The following PCDHA1 variants were observed in gnomAD, a reference collection of about 807,000 sequenced individuals.
PCDHA1 encodes the protein protocadherin alpha-1.
In PCDHA1, 42 loss-of-function variants were observed where a neutral mutation model predicts 61.3. The observed-to-expected ratio is 0.69, with a 90% CI of 0.54 to 0.89. PCDHA1 has a LOEUF of 0.89. Ranked by LOEUF, PCDHA1 falls within the 40% of genes least tolerant of loss-of-function variation. The pLI is 0.00. For synonymous variants in PCDHA1, 610 were observed against 553.8 expected (o/e 1.10, Z -1.43); for missense variants, 1,256 against 1,235.3 (o/e 1.02, Z -0.25).
At chr5:140,801,694 C>G (rs35124371) in intron 1 of PCDHA1, 68 of 1,613,998 alleles carry the variant, frequency 4.2e-5, no homozygotes, top group Non-Finnish European at 5.7e-5. Flanking sequence ...GGAACAAATT[C>G]GTTGTTGACT....
At chr5:140,977,055 A>G (rs1220462981) in intron 1 of PCDHA1, among the ~76,000 whole-genome samples, 1 of 152,234 alleles carries the variant, frequency 6.6e-6, no homozygotes, top group Non-Finnish European at 1.5e-5. Context: ...CTGATGGACT[A>G]GTATAGAAAA....
At chr5:140,841,743 T>A (rs1554138513) in intron 1 of PCDHA1, 1 of 1,613,818 alleles carries the variant, frequency 6.2e-7, no homozygotes, top group Admixed American at 1.7e-5. Context: ...CAAAAGCTGT[T>A]TGTTTCAGAA....
rs2043467325 is a variant in PCDHA1 at position 140,855,436 on chromosome 5, G to C, written c.2394+66752G>C. Among the ~76,000 whole-genome samples the C allele has an allele frequency of 2.7e-5, 4 of 149,868 alleles. No homozygotes were observed. In the South Asian group the frequency reaches 8.4e-4, roughly 32 times the overall value. ...GATCTCTAAATTCTAGTGATGACTA[G>C]ATCTTCGGAGTTATAAACACCTCAC... On this transcript the variant is annotated intron_variant, in intron 1 of 3. Transcript: ENST00000504120.
Position 140,801,968 on chromosome 5 carries a change from TG to T in PCDHA1, c.2394+13286del, listed in dbSNP as rs781928400. The T allele has an allele frequency of 1.9e-6, 3 of 1,614,192 alleles. No homozygotes were observed. In the East Asian group the frequency reaches 6.7e-5, roughly 36 times the overall value. On this transcript the variant is annotated intron_variant, in intron 1 of 3. Transcript: ENST00000504120. ...TCAGATTACTCGAAAATGCACCAAA[TG>T]GTACCCTAGTGGTGACCGTTAACGC...
In PCDHA1 at chr5:140,836,337, A is replaced by C. The variant is rs143048298; in HGVS notation, c.2394+47653A>C. 5 of 1,613,530 alleles carry C rather than the reference A, an allele frequency of 3.1e-6. No individual in the cohort carries two copies. The African/African-American group carries it at 6.7e-5, about 22-fold the overall frequency. ...GCGCCACCGCCTTCTGGTGCTTGTG[A>C]AGGACCACGGGGAGCCCTCGCTGAC... On this transcript the variant is annotated intron_variant, in intron 1 of 3. Transcript: ENST00000504120.
At chr5:140,995,698 G>T (rs963042409) in intron 3 of PCDHA1, among the ~76,000 whole-genome samples, 1 of 152,104 alleles carries the variant, frequency 6.6e-6, no homozygotes, top group African/African-American at 2.4e-5. Context: ...TTAAATAAAG[G>T]GCTGGGCTTG....
chr5:140,812,345 C>G (rs1765088890), intron 1 of PCDHA1: 1 of 151,876 alleles, frequency 6.6e-6, no homozygotes. Flanking sequence ...GTAATGCCAC[C>G]TCTTTTGTTT....
chr5:140,952,873 A>G (rs1554220663), intron 1 of PCDHA1, among the ~76,000 whole-genome samples: 1 of 152,168 alleles, frequency 6.6e-6, no homozygotes, highest in South Asian at 2.1e-4. Context: ...GGAAACTTAC[A>G]ATCATGGTGG....
At chr5:140,802,221 G>C (rs782389437) in intron 1 of PCDHA1, 1 of 1,614,182 alleles carries the variant, frequency 6.2e-7, no homozygotes, top group Non-Finnish European at 8.5e-7. Context: ...CGAAATTGTG[G>C]ACATCAATGA....
At position 140,858,437 on chromosome 5, in the gene PCDHA1, G is replaced by T. The variant is rs1343643925; in HGVS notation, c.2394+69753G>T. The T allele has an allele frequency of 4.5e-6, 7 of 1,541,950 alleles. 1 individual carries two copies. In the Admixed American group the frequency reaches 1.4e-4, roughly 30 times the overall value. Reference sequence around the variant, plus strand: ...TATTGGAGGGGACCACTCTAGGAAGGTGGGTTATTACGTTTTCATTTTCCT... The same window carrying T: ...TATTGGAGGGGACCACTCTAGGAAGTTGGGTTATTACGTTTTCATTTTCCT... On this transcript the variant is annotated intron_variant, in intron 1 of 3. Coordinates refer to ENST00000504120, the MANE Select transcript of PCDHA1 (RefSeq NM_018900.4).
chr5:140,850,794 A>G, intron 1 of PCDHA1: 2 of 1,598,296 alleles, frequency 1.3e-6, no homozygotes, highest in Non-Finnish European at 1.7e-6. Context: ...TAAGCAGAAG[A>G]CCGACCTCAT....
In PCDHA1 at chr5:140,829,234, C is replaced by T. The variant is rs140237774; in HGVS notation, c.2394+40550C>T. On this transcript the variant is annotated intron_variant, in intron 1 of 3. Coordinates refer to ENST00000504120, the MANE Select transcript of PCDHA1 (RefSeq NM_018900.4). ...GCGTGAACGACCTCGATTCAGGTGC[C>T]AACGGGCAGGTGAACTGCTCGCTGA... The T allele has an allele frequency of 3.7e-6, 6 of 1,614,136 alleles. No homozygotes were observed. In the African/African-American group the frequency reaches 6.7e-5, roughly 18 times the overall value.
chr5:140,946,387 T>C (rs1168775484), intron 1 of PCDHA1, among the ~76,000 whole-genome samples: 3 of 151,786 alleles, frequency 2.0e-5, no homozygotes, highest in African/African-American at 7.3e-5. Context: ...TTGGTAGGAA[T>C]GTAAATTAGT....
At chr5:140,809,706 G>A in intron 1 of PCDHA1, 1 of 1,097,712 alleles carries the variant, frequency 9.1e-7, no homozygotes, top group Non-Finnish European at 1.3e-6. Flanking sequence ...TTTAACTAAA[G>A]TCTTTTGGAA....
chr5:140,817,760 A>C (rs1766196831), intron 1 of PCDHA1, among the ~76,000 whole-genome samples: 2 of 152,206 alleles, frequency 1.3e-5, no homozygotes, highest in African/African-American at 4.8e-5. Context: ...TTCTGAAGAA[A>C]TTAACATTTC....
At chr5:140,836,816 T>G in intron 1 of PCDHA1, 1 of 1,201,468 alleles carries the variant, frequency 8.3e-7, no homozygotes, top group Non-Finnish European at 1.2e-6. Context: ...TCTTTCATAA[T>G]TTCTTTTTTA....
In PCDHA1 at chr5:140,850,779, G is replaced by A. The variant is rs1554144905; in HGVS notation, c.2394+62095G>A. 6.3e-7 allele frequency: 1 copy of A among 1,598,204 alleles called. No homozygotes were observed. Among genetic ancestry groups the A allele is most frequent in the Non-Finnish European group, 8.6e-7 (1 of 1,167,724 alleles). ...GAGGAGGCAGAGGGTGTGCTCTGGC[G>A]AGGGTAAGCAGAAGACCGACCTCAT... On this transcript the variant is annotated intron_variant, in intron 1 of 3. Coordinates refer to ENST00000504120, the MANE Select transcript of PCDHA1 (RefSeq NM_018900.4).
rs143944331 is a variant in PCDHA1 at position 140,796,894 on chromosome 5, C to A, written c.2394+8210C>A. 167 of 1,613,946 alleles carry A rather than the reference C, an allele frequency of 1.0e-4. No individual in the cohort carries two copies. The African/African-American group carries it at 1.9e-3, about 18-fold the overall frequency. The stretch of plus-strand genomic sequence containing the variant: ...TGCCCTAGACGAGGCTGACTCCCCT[C>A]GACACCGCCTACTCGTGCTGGTGAA... On this transcript the variant is annotated intron_variant, in intron 1 of 3. Coordinates refer to ENST00000504120, the MANE Select transcript of PCDHA1 (RefSeq NM_018900.4).
Position 140,982,458 on chromosome 5 carries a change from T to C in PCDHA1, c.2454-17T>C, listed in dbSNP as rs1554244201. 1 of 1,613,996 alleles carries C rather than the reference T, an allele frequency of 6.2e-7. No homozygotes were observed. Among genetic ancestry groups the C allele is most frequent in the Non-Finnish European group, 8.5e-7 (1 of 1,179,964 alleles). ...ATTTATGATCTAACCGTTATCTGGG[T>C]CTGTGTGTTTATTCAGCTCTGTGCA... On this transcript the variant is annotated splice_polypyrimidine_tract_variant and intron_variant, in intron 2 of 3. Transcript: ENST00000504120.
Sources: allele counts gnomAD v4.1 joint callset (sites outside exome capture counted in the v4.1 genomes callset), GRCh38; gene constraint gnomAD v4.1.1; transcripts MANE v1.5; gene names NCBI Gene and HGNC (gene_info 2026-07-23, HGNC 2026-07-21).